The following RFXAP variants were observed in gnomAD, a reference collection of about 807,000 sequenced individuals.
RFXAP encodes regulatory factor X-associated protein.
Under a neutral mutation model 25.7 loss-of-function variants are expected in RFXAP, and 21 were observed. The ratio of observed to expected loss-of-function variants is 0.82; its 90% CI spans 0.58 to 1.18. The LOEUF (loss-of-function observed/expected upper bound fraction) is 1.18. Among genes scored for constraint, RFXAP ranks in the 50% most tolerant of loss-of-function variants. The pLI is 0.00. For synonymous variants in RFXAP, 161 were observed against 152.2 expected, an observed-to-expected ratio of 1.06 and a Z score of -0.43; for missense variants, 333 against 363.0, an observed-to-expected ratio of 0.92 and a Z score of 0.67.
chr13:36,819,689 T>C lies in RFXAP; in HGVS notation c.332T>C (p.Leu111Pro). Residue 111 changes from leucine to proline, a missense_variant, in exon 1 of 3, where the codon CTA becomes CCA. Leu to Pro is a moderately conservative substitution (Grantham distance 98). Coordinates refer to ENST00000255476, the MANE Select transcript of RFXAP (RefSeq NM_000538.4). ...GAGAGCGCGGCTAGTTTGGAGGATC[T>C]AGAGGACGAGGAGACTCACTCGGGG... ...GGESAASLED[L>P]EDEETHSGGE... The C allele has an allele frequency of 6.5e-7, 1 of 1,548,960 alleles. No homozygotes were observed. The highest frequency in any genetic ancestry group is 8.7e-7 in the Non-Finnish European group (1 of 1,146,220).
chr13:36,821,928 T>C (rs762952685), intron 1 of RFXAP, among the ~76,000 whole-genome samples: 1 of 152,160 alleles, frequency 6.6e-6, no homozygotes, highest in Non-Finnish European at 1.5e-5. Flanking sequence ...CATATTCTTA[T>C]AGTATGTTTT....
In RFXAP at chr13:36,821,214, TAAAAAAA is replaced by T. The variant is rs10573140; in HGVS notation, c.600+1279_600+1285del. 4.8e-4 allele frequency among the ~76,000 whole-genome samples: 50 copies of T among 104,842 alleles called. No homozygotes were observed. In the Middle Eastern group the frequency reaches 0.017, roughly 35 times the overall value. The allele number at this position is 104,842 out of a possible 152,430, so 68.8% of individuals were successfully genotyped here. ...ATGACATAGCAAGACCCTGTCTCCT[TAAAAAAA>T]AAAAAAAAAAAAAAAAAAAAATTTT... On this transcript the variant is annotated intron_variant, in intron 1 of 2. Coordinates refer to ENST00000255476, the MANE Select transcript of RFXAP (RefSeq NM_000538.4).
intron 1 of RFXAP, among the ~76,000 whole-genome samples, chr13:36,821,328 T>G (rs2057961956): frequency 6.6e-6 from 1 of 151,836 alleles, no homozygotes; most frequent in Non-Finnish European, 1.5e-5. Context: ...CTTGAAGTGC[T>G]CCATCACTAA....
rs1460374982 is a variant in RFXAP, at chr13:36,828,089, T to C, written c.*336T>C. On this transcript the variant is annotated 3_prime_UTR_variant, in exon 3 of 3. Transcript: ENST00000255476. Reference sequence around the variant, plus strand: ...AAAGTTAATAGATATTAATCTTGACTCATCTAGCTCAGTGGTTCTCATCAA... The same window carrying C: ...AAAGTTAATAGATATTAATCTTGACCCATCTAGCTCAGTGGTTCTCATCAA... 1.1e-5 allele frequency: 3 copies of C among 265,272 alleles called. No individual in the cohort carries two copies. Among genetic ancestry groups the C allele is most frequent in the Non-Finnish European group, 1.5e-5 (2 of 137,532 alleles). The allele number at this position is 265,272 out of a possible 1,614,324, so 16.4% of individuals were successfully genotyped here.
intron 2 of RFXAP, 89 bp from the exon 3 acceptor site, chr13:36,827,554 T>C: frequency 1.1e-6 from 1 of 919,194 alleles, no homozygotes; most frequent in Non-Finnish European, 1.7e-6. Flanking sequence ...TATTGTATCA[T>C]ATGTAGGGAC....
intron 1 of RFXAP, among the ~76,000 whole-genome samples, chr13:36,820,737 A>T (rs1262450146): frequency 6.6e-6 from 1 of 152,220 alleles, no homozygotes; most frequent in Admixed American, 6.5e-5. Flanking sequence ...CAAAGGTAAA[A>T]CCAGTGTTCT....
At chr13:36,825,631 C>A in intron 2 of RFXAP, 96 bp downstream of exon 2, 2 of 763,510 alleles carry the variant, frequency 2.6e-6, no homozygotes, top group Non-Finnish European at 4.4e-6. Flanking sequence ...CTCATGACAT[C>A]ACACTATACA....
In RFXAP at chr13:36,828,502, T is replaced by C. The variant is rs1341555617; in HGVS notation, c.*749T>C. 2.6e-5 allele frequency: 4 copies of C among 152,308 alleles called. No homozygotes were observed. The highest frequency in any genetic ancestry group is 9.6e-5 in the African/African-American group (4 of 41,464). 9.4% of individuals were successfully genotyped at this position (152,308 alleles called of 1,614,324 possible). A position where few individuals can be genotyped will look rare whatever the true frequency, so the allele number is the denominator to read the frequency against. ...TGGGATGTGTCTCCTACAGTTGGCT[T>C]CTCTCTTTGATGTTACCTGTTAGTG... is the stretch of plus-strand genomic sequence containing the variant. On this transcript the variant is annotated 3_prime_UTR_variant, in exon 3 of 3. Transcript: ENST00000255476.
chr13:36,826,994 T>A (rs2138218481), intron 2 of RFXAP, among the ~76,000 whole-genome samples: 1 of 152,310 alleles, frequency 6.6e-6, no homozygotes, highest in South Asian at 2.1e-4. Flanking sequence ...CTGTCTCTAA[T>A]AATAATATGT....
chr13:36,827,462 A>G (rs1271268857), intron 2 of RFXAP, among the ~76,000 whole-genome samples, 181 bp from the exon 3 acceptor site: 1 of 152,216 alleles, frequency 6.6e-6, no homozygotes. Flanking sequence ...GATGTGTGAC[A>G]TCACATTATT....
At chr13:36,825,154 C>G (rs2057973992) in intron 1 of RFXAP, among the ~76,000 whole-genome samples, 1 of 152,136 alleles carries the variant, frequency 6.6e-6, no homozygotes, top group South Asian at 2.1e-4. Context: ...CTATATCACA[C>G]TCTATCACAC....
intron 1 of RFXAP, among the ~76,000 whole-genome samples, chr13:36,824,938 G>A (rs2057973301): frequency 6.6e-6 from 1 of 152,070 alleles, no homozygotes; most frequent in Non-Finnish European, 1.5e-5. Context: ...TGCCAACTGG[G>A]TAAAAAGCTA....
chr13:36,819,242 C>G lies in RFXAP; in HGVS notation c.-116C>G, dbSNP rs886050141. 1.8e-4 allele frequency: 197 copies of G among 1,070,490 alleles called. No homozygotes were observed. The highest frequency in any genetic ancestry group is 2.2e-4 in the Non-Finnish European group (188 of 848,400). The allele number at this position is 1,070,490 out of a possible 1,614,324, so 66.3% of individuals were successfully genotyped here. On this transcript the variant is annotated 5_prime_UTR_variant, in exon 1 of 3. Coordinates refer to ENST00000255476, the MANE Select transcript of RFXAP (RefSeq NM_000538.4). ...CGCGCAGGCGCAGTCGGGGCGCCTT[C>G]CCGGTATAGGCGCCTTTTACCCCAG...
chr13:36,826,746 A>G (rs1374278470), intron 2 of RFXAP, among the ~76,000 whole-genome samples: 3 of 152,242 alleles, frequency 2.0e-5, no homozygotes, highest in African/African-American at 7.2e-5. Flanking sequence ...GTACTAAGAT[A>G]TAATACATAT....
At chr13:36,827,056 A>G (rs1233008672) in intron 2 of RFXAP, among the ~76,000 whole-genome samples, 1 of 152,160 alleles carries the variant, frequency 6.6e-6, no homozygotes, top group African/African-American at 2.4e-5. Flanking sequence ...TTTTAAAGTG[A>G]TGAGTGTACA....
In RFXAP at chr13:36,819,511, T is replaced by C. The variant is rs890565154; in HGVS notation, c.154T>C (p.Cys52Arg). 2.9e-5 allele frequency: 45 copies of C among 1,545,026 alleles called. No individual in the cohort carries two copies. The highest frequency in any genetic ancestry group is 4.1e-5 in the African/African-American group (3 of 72,936). Residue 52 changes from cysteine (C) to arginine (R), a missense_variant, in exon 1 of 3, where the codon TGT becomes CGT. Coordinates refer to ENST00000255476, the MANE Select transcript of RFXAP (RefSeq NM_000538.4). ...SQFTLLVMQPCAGQDEAAAPG... is the reference protein window; with the variant it reads ...SQFTLLVMQPRAGQDEAAAPG... ...ATTCACCCTGCTAGTGATGCAACCC[T>C]GTGCTGGGCAGGACGAGGCTGCGGC...
Position 36,827,821 on chromosome 13 carries a change from A to G in RFXAP, c.*68A>G, listed in dbSNP as rs2138219167. 1 of 1,211,878 alleles carries G rather than the reference A, an allele frequency of 8.3e-7. No individual in the cohort carries two copies. The allele number at this position is 1,211,878 out of a possible 1,614,324, so 75.1% of individuals were successfully genotyped here. On this transcript the variant is annotated 3_prime_UTR_variant, in exon 3 of 3. Coordinates refer to ENST00000255476, the MANE Select transcript of RFXAP (RefSeq NM_000538.4). ...TAATAGATGAGCATATTTTTTTACC[A>G]GACATAAATGGGGTAATAATCTATG...
rs963889669 is a variant in RFXAP, at chr13:36,828,658, T to C, written c.*905T>C. 1.3e-5 allele frequency: 2 copies of C among 152,228 alleles called. No individual in the cohort carries two copies. Among genetic ancestry groups the C allele is most frequent in the African/African-American group, 4.8e-5 (2 of 41,470 alleles). The allele number at this position is 152,228 out of a possible 1,614,324, so 9.4% of individuals were successfully genotyped here. A position where few individuals can be genotyped will look rare whatever the true frequency, so the allele number is the denominator to read the frequency against. ...TTAAACAAAATGAAAAAGATCCTTTTCAAAAAGGTGATCCTGAAAATAAAA... is the reference window on the plus strand; with the variant it reads ...TTAAACAAAATGAAAAAGATCCTTTCCAAAAAGGTGATCCTGAAAATAAAA... On this transcript the variant is annotated 3_prime_UTR_variant, in exon 3 of 3. Transcript: ENST00000255476.
Position 36,819,526 on chromosome 13 carries a change from G to A in RFXAP, c.169G>A (p.Glu57Lys). ...GATGCAACCCTGTGCTGGGCAGGAC[G>A]AGGCTGCGGCCCCCGGGGGCAGCGT... ...LVMQPCAGQDEAAAPGGSVGA... is the reference protein window; with the variant it reads ...LVMQPCAGQDKAAAPGGSVGA... The change falls in exon 1 of 3, where the codon GAG becomes AAG. Residue 57 changes from glutamate (E) to lysine (K), a missense_variant. Transcript: ENST00000255476. 1 of 1,530,024 alleles carries A rather than the reference G, an allele frequency of 6.5e-7. No homozygotes were observed. The allele number at this position is 1,530,024 out of a possible 1,614,324, so 94.8% of individuals were successfully genotyped here.
Sources: allele counts gnomAD v4.1 joint callset (sites outside exome capture counted in the v4.1 genomes callset), GRCh38; gene constraint gnomAD v4.1.1; transcripts MANE v1.5; gene names NCBI Gene and HGNC (gene_info 2026-07-23, HGNC 2026-07-21).